NME7: variants seen among roughly 807,000 people sequenced by gnomAD.
The protein encoded by NME7 is nucleoside diphosphate kinase 7.
Under a neutral mutation model 49.1 loss-of-function variants are expected in NME7, and 41 were observed. The ratio of observed to expected loss-of-function variants is 0.83; its 90% CI spans 0.65 to 1.08. NME7 has a LOEUF of 1.08. Ranked by LOEUF, NME7 falls within the 50% of genes least tolerant of loss-of-function variation. The pLI is 0.00. For synonymous variants in NME7, 139 were observed against 150.6 expected (o/e 0.92, Z 0.56); for missense variants, 423 against 463.4 (o/e 0.91, Z 0.80).
At chr1:169,187,946 T>G (rs1660120092) in intron 10 of NME7, among the ~76,000 whole-genome samples, 1 of 152,214 alleles carries the variant, frequency 6.6e-6, no homozygotes, top group Admixed American at 6.5e-5. Flanking sequence ...GGCCTGGTGG[T>G]GACAAAATCT....
intron 10 of NME7, among the ~76,000 whole-genome samples, chr1:169,179,852 A>G (rs1183822020): frequency 6.6e-6 from 1 of 152,178 alleles, no homozygotes; most frequent in Non-Finnish European, 1.5e-5. Flanking sequence ...ATCAGGAAGA[A>G]TAGCTAGTGG....
At chr1:169,278,427 T>A (rs1558019165) in intron 7 of NME7, among the ~76,000 whole-genome samples, 1 of 151,988 alleles carries the variant, frequency 6.6e-6, no homozygotes, top group African/African-American at 2.4e-5. Context: ...CTCACTTCAT[T>A]TCATTCATTT....
intron 10 of NME7, among the ~76,000 whole-genome samples, chr1:169,216,298 G>T (rs11810319): frequency 5.9e-5 from 9 of 151,986 alleles, no homozygotes; most frequent in African/African-American, 1.7e-4. Context: ...CTAACTTTTC[G>T]GGAGGGAAGA....
intron 11 of NME7, among the ~76,000 whole-genome samples, chr1:169,147,973 T>C (rs1379807692): frequency 2.0e-5 from 3 of 151,170 alleles, no homozygotes; most frequent in Non-Finnish European, 4.4e-5. Context: ...AATTTCAATT[T>C]CTTGAAAGAA....
At chr1:169,240,780 TTTCTA>T (rs1325015763) in intron 7 of NME7, among the ~76,000 whole-genome samples, 1 of 152,112 alleles carries the variant, frequency 6.6e-6, no homozygotes, top group Non-Finnish European at 1.5e-5. Context: ...CAGAATAGTC[TTTCTA>T]TTCTGTTATA....
chr1:169,222,128 A>C (rs1215199315), intron 10 of NME7, among the ~76,000 whole-genome samples: 2 of 151,014 alleles, frequency 1.3e-5, no homozygotes, highest in African/African-American at 2.4e-5. Flanking sequence ...TTATAATCAA[A>C]TCCTATCTAC....
intron 7 of NME7, among the ~76,000 whole-genome samples, chr1:169,252,754 G>T (rs940853979): frequency 6.8e-6 from 1 of 147,992 alleles, no homozygotes; most frequent in African/African-American, 2.5e-5. Flanking sequence ...TGTAAGGAAG[G>T]GATCCAGTTT....
chr1:169,248,515 G>A (rs919890632), intron 7 of NME7, among the ~76,000 whole-genome samples: 3 of 151,774 alleles, frequency 2.0e-5, no homozygotes, highest in African/African-American at 7.3e-5. Context: ...TATTTTAGTT[G>A]CATTTGCTTT....
chr1:169,277,961 G>A (rs1649813208), intron 7 of NME7, among the ~76,000 whole-genome samples: 1 of 148,652 alleles, frequency 6.7e-6, no homozygotes, highest in Non-Finnish European at 1.5e-5. Flanking sequence ...AGTTTGGCTG[G>A]ATATGAAATT....
At chr1:169,233,527 A>T (rs758927588) in intron 9 of NME7, among the ~76,000 whole-genome samples, 1 of 152,202 alleles carries the variant, frequency 6.6e-6, no homozygotes, top group Non-Finnish European at 1.5e-5. Flanking sequence ...ACGATACACA[A>T]CATCAAAGTA....
chr1:169,252,879 C>A (rs1358953125), intron 7 of NME7, among the ~76,000 whole-genome samples: 1 of 148,324 alleles, frequency 6.7e-6, no homozygotes. Context: ...TGTAGATATG[C>A]GGTGTTATTT....
At chr1:169,337,530 C>T (rs1290167438) in intron 1 of NME7, among the ~76,000 whole-genome samples, 6 of 152,182 alleles carry the variant, frequency 3.9e-5, no homozygotes, top group East Asian at 1.9e-4. Context: ...GCTCCCACAG[C>T]GCAGCGGTGG....
At chr1:169,142,872 C>T (rs1458651315) in intron 11 of NME7, among the ~76,000 whole-genome samples, 3 of 152,170 alleles carry the variant, frequency 2.0e-5, no homozygotes, top group Non-Finnish European at 4.4e-5. Flanking sequence ...AGGATTGGAG[C>T]TGCTGCCTCC....
intron 5 of NME7, 61 bp downstream of exon 5, chr1:169,303,084 C>A: frequency 8.9e-7 from 1 of 1,125,306 alleles, no homozygotes; most frequent in Non-Finnish European, 1.3e-6. Context: ...ACAAATGTAA[C>A]TCCATAGTTT....
chr1:169,192,179 G>A (rs534222853), intron 10 of NME7, among the ~76,000 whole-genome samples: 1 of 152,318 alleles, frequency 6.6e-6, no homozygotes, highest in African/African-American at 2.4e-5. Flanking sequence ...ACTGCCAGGT[G>A]AGAGGTGTAG....
At chr1:169,146,559 T>C (rs951904742) in intron 11 of NME7, among the ~76,000 whole-genome samples, 1 of 152,174 alleles carries the variant, frequency 6.6e-6, no homozygotes, top group Non-Finnish European at 1.5e-5. Context: ...AGGAGTCATA[T>C]CAAATCCAAG....
chr1:169,132,942 TAATCAATC>T (rs3060498), intron 11 of NME7, 125 bp from the exon 12 acceptor site: 12 of 622,328 alleles, frequency 1.9e-5, no homozygotes, highest in African/African-American at 1.5e-4. Flanking sequence ...CACTAAAAGT[TAATCAATC>T]AATCAGAGGC....
intron 10 of NME7, among the ~76,000 whole-genome samples, chr1:169,174,796 G>A (rs574592886): frequency 6.6e-6 from 1 of 152,202 alleles, no homozygotes; most frequent in Non-Finnish European, 1.5e-5. Context: ...CATGAATGGA[G>A]CTTGTAGGAC....
chr1:169,143,991 T>G (rs1658682339), intron 11 of NME7, among the ~76,000 whole-genome samples: 1 of 152,190 alleles, frequency 6.6e-6, no homozygotes, highest in African/African-American at 2.4e-5. Flanking sequence ...AGTCAGTCCA[T>G]GGACTAACCC....
Sources: allele counts gnomAD v4.1 joint callset (sites outside exome capture counted in the v4.1 genomes callset), GRCh38; gene constraint gnomAD v4.1.1; transcripts MANE v1.5; gene names NCBI Gene and HGNC (gene_info 2026-07-23, HGNC 2026-07-21).